Variants in FILIP1L observed in about 807,000 individuals in gnomAD.
The protein encoded by FILIP1L is filamin A interacting protein 1 like, also known as filamin A-interacting protein 1-like.
In FILIP1L, 55 loss-of-function variants were observed where a neutral mutation model predicts 96.6. The ratio of observed to expected loss-of-function variants is 0.57; its 90% CI spans 0.46 to 0.71. The LOEUF is 0.71. Ranked by LOEUF, FILIP1L falls within the 30% of genes least tolerant of loss-of-function variation. FILIP1L has a pLI of 0.00. For missense variants in FILIP1L, 1,304 were observed against 1,321.2 expected, an observed-to-expected ratio of 0.99 and a Z score of 0.20; for synonymous variants, 467 against 473.9, an observed-to-expected ratio of 0.99 and a Z score of 0.19.
At chr3:99,943,843 A>G (rs538359182) in intron 1 of FILIP1L, among the ~76,000 whole-genome samples, 2 of 152,348 alleles carry the variant, frequency 1.3e-5, no homozygotes, top group East Asian at 3.9e-4. Context: ...TGGCCGAGTT[A>G]TAATCTTACT....
chr3:99,852,304 G>A (rs557122014), intron 4 of FILIP1L, among the ~76,000 whole-genome samples: 1 of 152,182 alleles, frequency 6.6e-6, no homozygotes, highest in Admixed American at 6.5e-5. Context: ...CTTACATTCT[G>A]ATAGGTATAG....
In FILIP1L at chr3:99,851,013, C is replaced by A; in HGVS notation, c.663G>T (p.Lys221Asn). 1.2e-6 allele frequency: 2 copies of A among 1,612,226 alleles called. No homozygotes were observed. The highest frequency in any genetic ancestry group is 1.7e-6 in the Non-Finnish European group (2 of 1,179,720). The change falls in exon 5 of 6, where the codon AAG becomes AAT. Residue 221 changes from lysine (K) to asparagine (N), a missense_variant. Coordinates refer to ENST00000477258, the MANE Select transcript of FILIP1L (RefSeq NM_001387850.1). ...CTTTCAGGGTGGTGACCCTTTTCTC[C>A]TTTTCTTGCTCCTTCTCCTCCTGAG... ...IKSQEEKEQE[K>N]EKRVTTLKEE... is the part of the protein sequence containing the mutation.
intron 1 of FILIP1L, among the ~76,000 whole-genome samples, chr3:100,003,926 GTCT>G (rs2107173377): frequency 6.6e-6 from 1 of 152,270 alleles, no homozygotes; most frequent in African/African-American, 2.4e-5. Flanking sequence ...GTGCAAACAA[GTCT>G]TCTCAGGTTG....
At chr3:100,005,963 A>G (rs567058742) in intron 1 of FILIP1L, among the ~76,000 whole-genome samples, 3 of 152,242 alleles carry the variant, frequency 2.0e-5, no homozygotes, top group South Asian at 2.1e-4. Flanking sequence ...TGCTTTTTCA[A>G]TCCACACATG....
At chr3:99,869,333 G>A (rs562234760) in intron 4 of FILIP1L, among the ~76,000 whole-genome samples, 1 of 152,196 alleles carries the variant, frequency 6.6e-6, no homozygotes, top group East Asian at 1.9e-4. Flanking sequence ...GAATTTGGGG[G>A]GAGATTAGTG....
chr3:99,958,191 A>G (rs1214413185), intron 1 of FILIP1L, among the ~76,000 whole-genome samples: 3 of 146,440 alleles, frequency 2.0e-5, no homozygotes, highest in Admixed American at 1.4e-4. Context: ...CCTAGGTATT[A>G]AGCCCTGCAT....
In FILIP1L at chr3:99,848,412, C is replaced by A; in HGVS notation, c.3264G>T (p.Gln1088His). The change falls in exon 5 of 6, where the codon CAG becomes CAT. Residue 1088 changes from glutamine to histidine, a missense_variant. By Grantham distance (24) the Gln-to-His change is conservative. Transcript: ENST00000477258. ...TAATTAAGCCTTGAGTTCGGTTATCCTGCAGTGGTGCTGAAGGGCTGGCAG... is the reference window on the plus strand; with the variant it reads ...TAATTAAGCCTTGAGTTCGGTTATCATGCAGTGGTGCTGAAGGGCTGGCAG... ...VRPASPSAPL[Q>H]DNRTQGLING... 3.7e-6 allele frequency: 6 copies of A among 1,614,124 alleles called. No individual in the cohort carries two copies. The highest frequency in any genetic ancestry group is 5.1e-6 in the Non-Finnish European group (6 of 1,179,998).
At chr3:100,108,889 C>G (rs935044738) in intron 1 of FILIP1L, among the ~76,000 whole-genome samples, 1 of 152,132 alleles carries the variant, frequency 6.6e-6, no homozygotes, top group East Asian at 1.9e-4. Flanking sequence ...AGATCATATT[C>G]CCTTGTAACT....
intron 1 of FILIP1L, among the ~76,000 whole-genome samples, chr3:100,067,161 G>T (rs563572938): frequency 2.1e-5 from 3 of 140,674 alleles, no homozygotes; most frequent in East Asian, 4.5e-4. Context: ...CTATGTTTTT[G>T]ATCTCGTTTG....
At chr3:99,930,618 GA>G (rs1020521760) in intron 2 of FILIP1L, 150 bp downstream of exon 2, 5 of 773,840 alleles carry the variant, frequency 6.5e-6, no homozygotes, top group African/African-American at 5.2e-5. Context: ...TGAGTTGGCA[GA>G]GGAGAATTCT....
At chr3:100,112,678 C>T (rs2066511081) in intron 1 of FILIP1L, among the ~76,000 whole-genome samples, 1 of 152,118 alleles carries the variant, frequency 6.6e-6, no homozygotes, top group Non-Finnish European at 1.5e-5. Flanking sequence ...GTATAAGAAT[C>T]CAAACCCCAC....
intron 4 of FILIP1L, among the ~76,000 whole-genome samples, chr3:99,889,520 C>T (rs963135131): frequency 6.6e-6 from 1 of 151,918 alleles, no homozygotes. Context: ...GTTAAAATTG[C>T]TTTAATCCAG....
intron 1 of FILIP1L, among the ~76,000 whole-genome samples, chr3:99,981,865 A>C (rs1471488240): frequency 1.3e-5 from 2 of 152,188 alleles, no homozygotes; most frequent in Admixed American, 6.5e-5. Context: ...ACGGCCAGGC[A>C]TGGTGGCTCA....
rs79848682 is a variant in FILIP1L, at chr3:100,001,260, G to T, written c.-10-70230C>A. Among the ~76,000 whole-genome samples the T allele has an allele frequency of 5.3e-4, 80 of 152,232 alleles. 3 individuals carry two copies. The East Asian group carries it at 0.015, about 29-fold the overall frequency. ...CAAATCAGACCCTTAATCTGTTTTT[G>T]TAAATAAAGTTTTATTGGAACATGG... On this transcript the variant is annotated intron_variant, in intron 1 of 5. Coordinates refer to ENST00000477258, the MANE Select transcript of FILIP1L (RefSeq NM_001387850.1).
At chr3:100,108,344 C>T (rs923842635) in intron 1 of FILIP1L, among the ~76,000 whole-genome samples, 1 of 152,164 alleles carries the variant, frequency 6.6e-6, no homozygotes, top group Non-Finnish European at 1.5e-5. Flanking sequence ...ATGATAATAA[C>T]AGCCTCTCAT....
At chr3:99,862,809 G>C (rs1453645624) in intron 4 of FILIP1L, among the ~76,000 whole-genome samples, 3 of 152,088 alleles carry the variant, frequency 2.0e-5, no homozygotes, top group Non-Finnish European at 2.9e-5. Context: ...ATCAGCCACT[G>C]TCTTCCATTT....
intron 1 of FILIP1L, among the ~76,000 whole-genome samples, chr3:99,969,655 C>T (rs746217468): frequency 4.6e-5 from 7 of 152,038 alleles, no homozygotes; most frequent in African/African-American, 7.3e-5. Context: ...GGCAAAGGCA[C>T]GGGGAGCCTG....
intron 1 of FILIP1L, among the ~76,000 whole-genome samples, chr3:99,976,458 GCAGCCAAACTACTACT>G (rs1482044163): frequency 4.6e-5 from 7 of 152,106 alleles, no homozygotes; most frequent in Non-Finnish European, 1.0e-4. Flanking sequence ...CAAGAGAATT[GCAGCCAAACTACTACT>G]AGTAGGACCC....
chr3:99,859,816 C>CT (rs1559663430), intron 4 of FILIP1L, among the ~76,000 whole-genome samples: 2 of 152,120 alleles, frequency 1.3e-5, no homozygotes, highest in African/African-American at 4.8e-5. Context: ...GCTTTCCTCC[C>CT]TGCTTTTTCT....
Sources: gnomAD v4.1 joint callset for allele counts (sites outside exome capture counted in the v4.1 genomes callset) on GRCh38, gnomAD v4.1.1 for gene constraint, MANE v1.5 for transcripts, NCBI Gene and HGNC (gene_info 2026-07-23, HGNC 2026-07-21) for gene names.